Variants in GTF2I observed in about 807,000 individuals in gnomAD.
GTF2I encodes general transcription factor IIi, also known as general transcription factor II-I.
In GTF2I, 12 loss-of-function variants were observed where a neutral mutation model predicts 67.6. The ratio of observed to expected loss-of-function variants is 0.18; its 90% CI spans 0.11 to 0.29. The LOEUF is 0.29. GTF2I is among the 10% of genes least tolerant of loss of function. GTF2I has a pLI of 1.00. For missense variants in GTF2I, 271 were observed against 580.1 expected, an observed-to-expected ratio of 0.47 and a Z score of 5.47; for synonymous variants, 149 against 197.0, an observed-to-expected ratio of 0.76 and a Z score of 2.04.
chr7:74,704,855 TAAAAAA>T lies in GTF2I; in HGVS notation c.587-284_587-279del, dbSNP rs35715710. The stretch of plus-strand genomic sequence containing the variant: ...GGGCAACAGAGTAAAACCCTGTTTC[TAAAAAA>T]AAAAAAAAAAAAAAAAAAAAAAAAT... On this transcript the variant is annotated intron_variant, in intron 6 of 34. Transcript: ENST00000573035. 1.2e-4 allele frequency among the ~76,000 whole-genome samples: 9 copies of T among 76,974 alleles called. 1 individual carries two copies. The Admixed American group carries it at 1.3e-3, about 11-fold the overall frequency. The allele number at this position is 76,974 out of a possible 152,430, so 50.5% of individuals were successfully genotyped here. A position where few individuals can be genotyped will look rare whatever the true frequency, so the allele number is the denominator to read the frequency against.
chr7:74,668,384 T>C (rs79388654), intron 1 of GTF2I, among the ~76,000 whole-genome samples: 3,407 of 151,434 alleles, frequency 0.022, 131 homozygotes, highest in African/African-American at 0.072. Flanking sequence ...AATTATATTA[T>C]GGTGTACTTG....
intron 1 of GTF2I, among the ~76,000 whole-genome samples, chr7:74,670,852 T>C (rs1378401810): frequency 2.0e-5 from 3 of 152,174 alleles, no homozygotes; most frequent in Non-Finnish European, 4.4e-5. Context: ...ACACATTCTT[T>C]GTGTATTGGC....
At chr7:74,671,108 A>G (rs1554390493) in intron 1 of GTF2I, among the ~76,000 whole-genome samples, 3 of 112,008 alleles carry the variant, frequency 2.7e-5, no homozygotes, top group East Asian at 2.5e-4. Context: ...TTTTTTTGAG[A>G]CAGAGTCTCA....
At chr7:74,668,304 CTT>C (rs1805164543) in intron 1 of GTF2I, among the ~76,000 whole-genome samples, 1 of 142,934 alleles carries the variant, frequency 7.0e-6, no homozygotes, top group Admixed American at 7.5e-5. Flanking sequence ...TTTTTGGAGT[CTT>C]TGTTTTGTAG....
At chr7:74,679,060 G>A (rs371118742) in intron 1 of GTF2I, among the ~76,000 whole-genome samples, 24 of 149,444 alleles carry the variant, frequency 1.6e-4, no homozygotes, top group African/African-American at 5.4e-4. Flanking sequence ...ATGAGCCACC[G>A]CGCCCAGCTA....
At chr7:74,694,955 A>G (rs1788743816) in intron 3 of GTF2I, among the ~76,000 whole-genome samples, 1 of 152,172 alleles carries the variant, frequency 6.6e-6, no homozygotes, top group South Asian at 2.1e-4. Flanking sequence ...TGATAGAACA[A>G]TAAAGCCTGG....
intron 1 of GTF2I, among the ~76,000 whole-genome samples, chr7:74,675,746 C>G (rs1805846170): frequency 6.6e-6 from 1 of 152,100 alleles, no homozygotes; most frequent in Non-Finnish European, 1.5e-5. Flanking sequence ...CGCAGTGGCT[C>G]ACACCTGTAA....
chr7:74,699,105 A>G lies in GTF2I; in HGVS notation c.373+10A>G, dbSNP rs782756394. ...TTCTGCTTTTGCTATGGTAAAAACA[A>G]TAGATTTAATTTTTCTAAAAGATAC... is the stretch of plus-strand genomic sequence containing the variant. On this transcript the variant is annotated intron_variant, in intron 4 of 34. Coordinates refer to ENST00000573035, the MANE Select transcript of GTF2I (RefSeq NM_032999.4). 3 of 1,439,324 alleles carry G rather than the reference A, an allele frequency of 2.1e-6. No homozygotes were observed. The highest frequency in any genetic ancestry group is 2.8e-6 in the Non-Finnish European group (3 of 1,074,970). 89.2% of individuals were successfully genotyped at this position (1,439,324 alleles called of 1,614,324 possible).
intron 10 of GTF2I, among the ~76,000 whole-genome samples, chr7:74,715,324 C>T (rs1359041195): frequency 6.6e-6 from 1 of 151,978 alleles, no homozygotes; most frequent in East Asian, 1.9e-4. Flanking sequence ...AATTGATTGC[C>T]TTTTTGGCAA....
chr7:74,668,173 C>CTTTTTTTTTTTTTTTTTTTTTTTTTTT, intron 1 of GTF2I, among the ~76,000 whole-genome samples: 1 of 92,962 alleles, frequency 1.1e-5, no homozygotes, highest in Non-Finnish European at 2.0e-5. Context: ...TGGTGCAGAA[C>CTTTTTTTTTTTTTTTTTTTTTTTTTTT]TTTTTTTTTT....
intron 12 of GTF2I, among the ~76,000 whole-genome samples, chr7:74,724,798 G>A (rs587702028): frequency 7.2e-4 from 110 of 152,166 alleles, no homozygotes; most frequent in African/African-American, 2.6e-3. Flanking sequence ...GTGGGCGCCT[G>A]TAATCCCAGC....
intron 6 of GTF2I, among the ~76,000 whole-genome samples, chr7:74,701,098 T>C (rs1789669858): frequency 6.6e-6 from 1 of 152,190 alleles, no homozygotes; most frequent in South Asian, 2.1e-4. Context: ...GTGGATGTTA[T>C]TGGAGGTTGG....
intron 26 of GTF2I, among the ~76,000 whole-genome samples, chr7:74,750,416 A>G (rs1432783527): frequency 3.2e-4 from 29 of 91,474 alleles, no homozygotes; most frequent in African/African-American, 9.0e-4. Context: ...TGGATGACAG[A>G]GTAAGACTCT....
At chr7:74,698,936 A>C (rs782594544) in intron 3 of GTF2I, 25 bp from the exon 4 acceptor site, 1 of 1,168,024 alleles carries the variant, frequency 8.6e-7, no homozygotes. Context: ...TTATTTTTTT[A>C]TTTTATTTTT....
intron 14 of GTF2I, among the ~76,000 whole-genome samples, chr7:74,731,250 T>G (rs1354001758): frequency 7.1e-6 from 1 of 141,622 alleles, no homozygotes; most frequent in Non-Finnish European, 1.5e-5. Context: ...TGCCATTAAC[T>G]AGCAAGCGGT....
intron 1 of GTF2I, among the ~76,000 whole-genome samples, chr7:74,669,201 G>A (rs184526242): frequency 7.1e-6 from 1 of 141,190 alleles, no homozygotes; most frequent in East Asian, 2.1e-4. Flanking sequence ...TTTTAGTTTA[G>A]TTTGTATATC....
At chr7:74,664,508 A>G (rs1554387820) in intron 1 of GTF2I, among the ~76,000 whole-genome samples, 1 of 152,206 alleles carries the variant, frequency 6.6e-6, no homozygotes, top group East Asian at 1.9e-4. Flanking sequence ...ATCTCGGCTC[A>G]CTGCAACTCT....
In GTF2I at chr7:74,732,743, A is replaced by C. The variant is rs1341321640; in HGVS notation, c.1304+81A>C. 11 of 1,535,294 alleles carry C rather than the reference A, an allele frequency of 7.2e-6. No homozygotes were observed. In the Admixed American group the frequency reaches 1.4e-4, roughly 20 times the overall value. On this transcript the variant is annotated intron_variant, in intron 15 of 34. Transcript: ENST00000573035. ...TTTTATTGTTGACCAATATTCATTC[A>C]CCACTAGGTTCTATGTGATGAAGTT...
At position 74,711,049 on chromosome 7, in the gene GTF2I, G is replaced by C. The variant is rs1554402432; in HGVS notation, c.703G>C (p.Ala235Pro). 6.5e-7 allele frequency: 1 copy of C among 1,538,972 alleles called. No homozygotes were observed. The highest frequency in any genetic ancestry group is 1.4e-5 in the African/African-American group (1 of 72,030). The change falls in exon 9 of 35, where the codon GCA becomes CCA. Residue 235 changes from alanine (A) to proline (P), a missense_variant. Ala to Pro is a conservative substitution (Grantham distance 27). This residue lies in a region of GTF2I where 124 missense variants were observed against 147.0 expected (regional missense o/e 0.84). Coordinates refer to ENST00000573035, the MANE Select transcript of GTF2I (RefSeq NM_032999.4). ...TEDSGISLEM[A>P]AVTVKEESED... The stretch of plus-strand genomic sequence containing the variant: ...TTTTCTAGGCATTTCCCTGGAAATG[G>C]CAGCTGTGACAGTAAAGGAAGAATC...
Sources: gnomAD v4.1 joint callset for allele counts (sites outside exome capture counted in the v4.1 genomes callset) on GRCh38, gnomAD v4.1.1 for gene constraint, gnomAD v4.1.1 regional missense constraint, MANE v1.5 for transcripts, NCBI Gene and HGNC (gene_info 2026-07-23, HGNC 2026-07-21) for gene names.